Variants in BRCA2 observed in about 807,000 individuals in gnomAD.
The protein encoded by BRCA2 is breast cancer type 2 susceptibility protein.
Under a neutral mutation model 276.7 loss-of-function variants are expected in BRCA2, and 203 were observed. That is an observed-to-expected ratio of 0.73 (90% CI 0.65 to 0.82). BRCA2 has a LOEUF of 0.82. BRCA2 is among the 40% of genes least tolerant of loss of function. The pLI is 0.00. For missense variants in BRCA2, 3,920 were observed against 3,915.0 expected (o/e 1.00, Z -0.03); for synonymous variants, 1,289 against 1,338.4 (o/e 0.96, Z 0.81).
intron 18 of BRCA2, among the ~76,000 whole-genome samples, chr13:32,369,614 C>G (rs1489593778): frequency 3.3e-5 from 5 of 152,110 alleles, no homozygotes; most frequent in African/African-American, 1.2e-4. Flanking sequence ...CGCTCTGTCC[C>G]CCAGGCTGGA....
rs779899032 is a variant in BRCA2, at chr13:32,338,256, A to T, written c.3901A>T (p.Thr1301Ser). ...GATATTACAAAATAATATTGAAATG[A>T]CTACTGGCACTTTTGTTGAAGAAAT... ...QLILQNNIEM[T>S]TGTFVEEITE... Residue 1301 changes from threonine (T) to serine (S), a missense_variant, in exon 11 of 27, where the codon ACT becomes TCT. This residue lies in a region of BRCA2 where 3,263 missense variants were observed against 3,156.9 expected (regional missense o/e 1.03). Transcript: ENST00000380152. The T allele has an allele frequency of 1.0e-5, 16 of 1,554,186 alleles. No homozygotes were observed. The highest frequency in any genetic ancestry group is 1.4e-5 in the Non-Finnish European group (16 of 1,151,576).
upstream of BRCA2, chr13:32,315,376 T>C (rs968304870): frequency 2.6e-5 from 4 of 152,308 alleles, no homozygotes; most frequent in East Asian, 7.7e-4. Context: ...GGAATTTCCT[T>C]TCGCCACACT....
chr13:32,368,955 C>T (rs577739998), intron 18 of BRCA2, among the ~76,000 whole-genome samples: 4 of 151,758 alleles, frequency 2.6e-5, no homozygotes, highest in Non-Finnish European at 4.4e-5. Context: ...GGACTACAGG[C>T]GCCTGCCACC....
chr13:32,338,252 A>G lies in BRCA2; in HGVS notation c.3897A>G (p.Glu1299=). The G allele has an allele frequency of 6.4e-7, 1 of 1,552,624 alleles. No homozygotes were observed. The highest frequency in any genetic ancestry group is 8.7e-7 in the Non-Finnish European group (1 of 1,150,892). Reference sequence around the variant, plus strand: ...AACTGATATTACAAAATAATATTGAAATGACTACTGGCACTTTTGTTGAAG... The same window carrying G: ...AACTGATATTACAAAATAATATTGAGATGACTACTGGCACTTTTGTTGAAG... The part of the protein sequence containing the change: ...KCQLILQNNI[E]MTTGTFVEEI... Residue 1299 remains glutamate, a synonymous_variant, in exon 11 of 27, where the codon GAA becomes GAG. Transcript: ENST00000380152.
In BRCA2 at chr13:32,398,463, T is replaced by A. The variant is rs1566261221; in HGVS notation, c.9950T>A (p.Leu3317Gln). ...GAAACACCCATAAAGAAAAAAGAACTGAATTCTCCTCAGATGACTCCATTT... is the reference window on the plus strand; with the variant it reads ...GAAACACCCATAAAGAAAAAAGAACAGAATTCTCCTCAGATGACTCCATTT... ...KYETPIKKKE[L>Q]NSPQMTPFKK... Residue 3317 changes from leucine (L) to glutamine (Q), a missense_variant, in exon 27 of 27, where the codon CTG (leucine) becomes CAG (glutamine). Around this residue, in one of 2 missense-constraint regions of BRCA2, gnomAD observed 657 missense variants for 758.2 expected, o/e 0.87. Coordinates refer to ENST00000380152, the MANE Select transcript of BRCA2 (RefSeq NM_000059.4). 6.2e-7 allele frequency: 1 copy of A among 1,614,190 alleles called. No homozygotes were observed. Among genetic ancestry groups the A allele is most frequent in the Non-Finnish European group, 8.5e-7 (1 of 1,180,022 alleles).
At position 32,339,902 on chromosome 13, in the gene BRCA2, T is replaced by G. The variant is rs587780656; in HGVS notation, c.5547T>G (p.Gly1849=). 68 of 1,609,312 alleles carry G rather than the reference T, an allele frequency of 4.2e-5. No individual in the cohort carries two copies. The highest frequency in any genetic ancestry group is 5.5e-5 in the Non-Finnish European group (65 of 1,177,384). ...VGPPAFRIAS[G]KIVCVSHETI... Reference sequence around the variant, plus strand: ...CACCTGCATTTAGGATAGCCAGTGGTAAAATCGTTTGTGTTTCACATGAAA... The same window carrying G: ...CACCTGCATTTAGGATAGCCAGTGGGAAAATCGTTTGTGTTTCACATGAAA... The change falls in exon 11 of 27, where the codon GGT becomes GGG. Residue 1849 remains glycine, a synonymous_variant. Coordinates refer to ENST00000380152, the MANE Select transcript of BRCA2 (RefSeq NM_000059.4).
At chr13:32,375,335 A>G (rs2072863660) in intron 20 of BRCA2, 1 of 444,996 alleles carries the variant, frequency 2.2e-6, no homozygotes, top group Non-Finnish European at 4.5e-6. Context: ...TTTTCACCAT[A>G]TATGCAGTTA....
At chr13:32,345,139 T>C (rs1255984505) in intron 12 of BRCA2, among the ~76,000 whole-genome samples, 1 of 152,118 alleles carries the variant, frequency 6.6e-6, no homozygotes, top group Admixed American at 6.6e-5. Context: ...TCACTTATTT[T>C]TCTTGTAGGT....
intron 9 of BRCA2, 56 bp from the exon 10 acceptor site, chr13:32,332,216 A>AT: frequency 2.1e-6 from 3 of 1,455,320 alleles, no homozygotes. Flanking sequence ...TGTGAGAATA[A>AT]TATAAATTAT....
intron 10 of BRCA2, 53 bp downstream of exon 10, chr13:32,333,440 G>T: frequency 6.4e-7 from 1 of 1,550,734 alleles, no homozygotes; most frequent in Non-Finnish European, 8.8e-7. Flanking sequence ...TATAGATGAC[G>T]ATTCCTTCTG....
At chr13:32,359,157 G>GGT (rs1294046078) in intron 16 of BRCA2, among the ~76,000 whole-genome samples, 2 of 149,914 alleles carry the variant, frequency 1.3e-5, no homozygotes, top group Non-Finnish European at 3.0e-5. Context: ...GGGAGGCGGA[G>GGT]GTTGCAGTGA....
rs778060629 is a variant in BRCA2 at position 32,357,895 on chromosome 13, A to C, written c.7771A>C (p.Asn2591His). The C allele has an allele frequency of 6.2e-7, 1 of 1,614,132 alleles. No homozygotes were observed. The highest frequency in any genetic ancestry group is 8.5e-7 in the Non-Finnish European group (1 of 1,180,006). The change falls in exon 16 of 27, where the codon AAT becomes CAT. Residue 2591 changes from asparagine to histidine, a missense_variant. By Grantham distance (68) the Asn-to-His change is moderately conservative. This residue lies in a region of BRCA2 where 3,263 missense variants were observed against 3,156.9 expected (regional missense o/e 1.03). Coordinates refer to ENST00000380152, the MANE Select transcript of BRCA2 (RefSeq NM_000059.4). ...LADGGWLIPS[N>H]DGKAGKEEFY... ...TGATGGTGGATGGCTCATACCCTCC[A>C]ATGATGGAAAGGCTGGAAAAGAAGA...
At position 32,393,511 on chromosome 13, in the gene BRCA2, A is replaced by G. The variant is rs1381906137; in HGVS notation, c.9257-1178A>G. On this transcript the variant is annotated intron_variant, in intron 24 of 26. Coordinates refer to ENST00000380152, the MANE Select transcript of BRCA2 (RefSeq NM_000059.4). ...GACCATTAGGAGCTTTCTCATATGGACTCGTGTGTTCTTTCAACCAGCTTT... is the reference window on the plus strand; with the variant it reads ...GACCATTAGGAGCTTTCTCATATGGGCTCGTGTGTTCTTTCAACCAGCTTT... Among the ~76,000 whole-genome samples the G allele has an allele frequency of 2.6e-5, 4 of 151,054 alleles. 1 individual carries two copies. Among genetic ancestry groups the G allele is most frequent in the Admixed American group, 2.6e-4 (4 of 15,152 alleles).
In BRCA2 at chr13:32,363,469, C is replaced by G. The variant is rs1555287069; in HGVS notation, c.8267C>G (p.Ala2756Gly). ...TVGQKIILHGAELVGSPDACT... is the reference protein window; with the variant it reads ...TVGQKIILHGGELVGSPDACT... ...GGTCAGAAGATTATTCTTCATGGAGCAGAACTGGTGGGCTCTCCTGATGCC... is the reference window on the plus strand; with the variant it reads ...GGTCAGAAGATTATTCTTCATGGAGGAGAACTGGTGGGCTCTCCTGATGCC... Residue 2756 changes from alanine to glycine, a missense_variant, in exon 18 of 27, where the codon GCA (alanine) becomes GGA (glycine). Ala to Gly is a moderately conservative substitution (Grantham distance 60). Around this residue, in one of 2 missense-constraint regions of BRCA2, gnomAD observed 3,263 missense variants for 3,156.9 expected, o/e 1.03. Coordinates refer to ENST00000380152, the MANE Select transcript of BRCA2 (RefSeq NM_000059.4). 6.2e-7 allele frequency: 1 copy of G among 1,614,096 alleles called. No individual in the cohort carries two copies. Among genetic ancestry groups the G allele is most frequent in the Non-Finnish European group, 8.5e-7 (1 of 1,180,012 alleles).
intron 13 of BRCA2, among the ~76,000 whole-genome samples, chr13:32,349,216 C>CAAA (rs55777417): frequency 5.6e-4 from 55 of 98,044 alleles, no homozygotes; most frequent in Non-Finnish European, 6.4e-4. Flanking sequence ...GACTCTGTCT[C>CAAA]AAAAAAAAAA....
chr13:32,399,743 G>T lies in BRCA2; in HGVS notation c.*973G>T. The T allele has an allele frequency of 6.3e-6, 1 of 158,236 alleles. No individual in the cohort carries two copies. The highest frequency in any genetic ancestry group is 1.4e-5 in the Non-Finnish European group (1 of 72,284). The allele number at this position is 158,236 out of a possible 1,614,324, so 9.8% of individuals were successfully genotyped here. Reference sequence around the variant, plus strand: ...CCCTTTTAAACTTACCACAAAAGCAGAAGATTAATTCAATTTAAGATGATA... The same window carrying T: ...CCCTTTTAAACTTACCACAAAAGCATAAGATTAATTCAATTTAAGATGATA... On this transcript the variant is annotated 3_prime_UTR_variant, in exon 27 of 27. Coordinates refer to ENST00000380152, the MANE Select transcript of BRCA2 (RefSeq NM_000059.4).
At chr13:32,363,033 C>T (rs549938044) in intron 17 of BRCA2, 146 bp from the exon 18 acceptor site, 12 of 755,252 alleles carry the variant, frequency 1.6e-5, no homozygotes. Flanking sequence ...CAATATGAAA[C>T]AATATATTCC....
At chr13:32,362,798 G>A (rs574620231) in intron 17 of BRCA2, 105 bp downstream of exon 17, 2 of 1,282,912 alleles carry the variant, frequency 1.6e-6, no homozygotes, top group African/African-American at 1.5e-5. Flanking sequence ...CCAGTTGTCA[G>A]TGACAGTTGC....
chr13:32,356,006 G>A (rs2072691593), intron 14 of BRCA2, among the ~76,000 whole-genome samples: 1 of 151,366 alleles, frequency 6.6e-6, no homozygotes, highest in Non-Finnish European at 1.5e-5. Context: ...TGTAAACTTC[G>A]AGGAAATTGA....
Sources: allele counts gnomAD v4.1 joint callset (sites outside exome capture counted in the v4.1 genomes callset), GRCh38; gene constraint gnomAD v4.1.1; regional missense constraint gnomAD v4.1.1; transcripts MANE v1.5; gene names NCBI Gene and HGNC (gene_info 2026-07-23, HGNC 2026-07-21).